The following BRPF3 variants were observed in gnomAD, a reference collection of about 807,000 sequenced individuals.
BRPF3 encodes bromodomain and PHD finger containing 3, also known as bromodomain and PHD finger-containing protein 3.
Under a neutral mutation model 102.0 loss-of-function variants are expected in BRPF3, and 18 were observed. The observed-to-expected ratio is 0.18, with a 90% CI of 0.12 to 0.26. BRPF3 has a LOEUF of 0.26. BRPF3 is among the 10% of genes least tolerant of loss of function. The pLI, the probability that BRPF3 is intolerant of heterozygous loss-of-function variation, is 1.00. For synonymous variants in BRPF3, 570 were observed against 614.2 expected (o/e 0.93, Z 1.06); for missense variants, 1,147 against 1,567.8 (o/e 0.73, Z 4.53).
chr6:36,201,532 A>G lies in BRPF3; in HGVS notation c.1210A>G (p.Ile404Val). Residue 404 changes from isoleucine to valine, a missense_variant, in exon 2 of 13, where the codon ATC becomes GTC. Ile to Val is a conservative substitution (Grantham distance 29). Around this residue, in one of 11 missense-constraint regions of BRPF3, gnomAD observed 157 missense variants for 163.6 expected, o/e 0.96. Transcript: ENST00000357641. The surrounding 1 kb of genome is among the most constrained non-coding windows in gnomAD (Gnocchi z 5.1). ...GAGGAAGGGCGACTCCCCTAGAAGCATCAGTGAGACTGGCGATGAGGAAGG... is the reference window on the plus strand; with the variant it reads ...GAGGAAGGGCGACTCCCCTAGAAGCGTCAGTGAGACTGGCGATGAGGAAGG... ...ARRKGDSPRSISETGDEEGLK... is the reference protein window; with the variant it reads ...ARRKGDSPRSVSETGDEEGLK... 1 of 1,614,174 alleles carries G rather than the reference A, an allele frequency of 6.2e-7. No individual in the cohort carries two copies. Among genetic ancestry groups the G allele is most frequent in the Non-Finnish European group, 8.5e-7 (1 of 1,180,016 alleles).
chr6:36,208,563 A>G (rs1767986727), intron 4 of BRPF3, among the ~76,000 whole-genome samples: 1 of 152,248 alleles, frequency 6.6e-6, no homozygotes, highest in Non-Finnish European at 1.5e-5. Flanking sequence ...CTAGCAGGCC[A>G]GTAGCCTGAG....
intron 8 of BRPF3, 54 bp from the exon 9 acceptor site, chr6:36,217,863 T>C (rs1437730221): frequency 6.6e-7 from 1 of 1,507,604 alleles, no homozygotes; most frequent in East Asian, 2.3e-5. Flanking sequence ...CCCTGTAGCA[T>C]GTGTTGGGAA....
intron 11 of BRPF3, among the ~76,000 whole-genome samples, chr6:36,225,750 A>G (rs1222086864): frequency 6.6e-6 from 1 of 152,188 alleles, no homozygotes; most frequent in Non-Finnish European, 1.5e-5. Flanking sequence ...TAAGAAGAAA[A>G]CTGATGATTT....
At chr6:36,229,529 A>G (rs916569147) in intron 12 of BRPF3, among the ~76,000 whole-genome samples, 1 of 152,220 alleles carries the variant, frequency 6.6e-6, no homozygotes, top group Non-Finnish European at 1.5e-5. Flanking sequence ...AGAGGGACTC[A>G]GATGAGAGCC....
chr6:36,202,844 G>A (rs550510806), intron 2 of BRPF3, among the ~76,000 whole-genome samples: 2 of 152,296 alleles, frequency 1.3e-5, no homozygotes, highest in Admixed American at 6.5e-5. Flanking sequence ...CCTGTAGTCC[G>A]TCTCTCTTGA....
chr6:36,217,244 A>G (rs769466040), intron 8 of BRPF3, among the ~76,000 whole-genome samples: 4 of 152,150 alleles, frequency 2.6e-5, no homozygotes, highest in Non-Finnish European at 5.9e-5. Flanking sequence ...AAAGCAAGAG[A>G]AAAGGAACCT....
Position 36,225,478 on chromosome 6 carries a change from G to C in BRPF3, c.3279+114G>C, listed in dbSNP as rs190996624. ...GAGTCAGAGTGTCTTTAGCTGTAGA[G>C]GGGAGGGGGGTTTTGCCCCAGCCTG... On this transcript the variant is annotated intron_variant, in intron 11 of 12. Transcript: ENST00000357641. The C allele has an allele frequency of 1.5e-5, 14 of 942,208 alleles. No homozygotes were observed. The South Asian group carries it at 1.9e-4, about 13-fold the overall frequency. The allele number at this position is 942,208 out of a possible 1,614,324, so 58.4% of individuals were successfully genotyped here. A position where few individuals can be genotyped will look rare whatever the true frequency, so the allele number is the denominator to read the frequency against.
At position 36,230,387 on chromosome 6, in the gene BRPF3, C is replaced by A; in HGVS notation, c.3435-39C>A. On this transcript the variant is annotated intron_variant, in intron 12 of 12. Coordinates refer to ENST00000357641, the MANE Select transcript of BRPF3 (RefSeq NM_015695.3). This position sits in a 1 kb window ranked among gnomAD's most constrained non-coding sequence, Gnocchi z 5.4. ...ACAGGAGCCCGAGCCCCCTGTGAGA[C>A]CCACTACTGCCCAGCCTCTTACTGT... 1.2e-6 allele frequency: 2 copies of A among 1,601,980 alleles called. No homozygotes were observed. The highest frequency in any genetic ancestry group is 1.7e-6 in the Non-Finnish European group (2 of 1,171,838).
intron 2 of BRPF3, 187 bp from the exon 3 acceptor site, chr6:36,204,471 A>C (rs1470188083): frequency 7.9e-6 from 5 of 636,428 alleles, no homozygotes; most frequent in Non-Finnish European, 1.4e-5. Flanking sequence ...GAAATAACTC[A>C]TGCTGAATCT....
At position 36,210,063 on chromosome 6, in the gene BRPF3, G is replaced by A; in HGVS notation, c.1866+148G>A. 1.4e-6 allele frequency: 2 copies of A among 1,406,110 alleles called. No homozygotes were observed. The highest frequency in any genetic ancestry group is 2.0e-5 in the Admixed American group (1 of 50,506). The allele number at this position is 1,406,110 out of a possible 1,614,324, so 87.1% of individuals were successfully genotyped here. ...AGCTAGTAGACTTGCCCTTGATGAGGGGTCAGCAGGCCAGGGTGGGCCAGG... is the reference window on the plus strand; with the variant it reads ...AGCTAGTAGACTTGCCCTTGATGAGAGGTCAGCAGGCCAGGGTGGGCCAGG... On this transcript the variant is annotated intron_variant, in intron 5 of 12. Transcript: ENST00000357641. This position sits in a 1 kb window ranked among gnomAD's most constrained non-coding sequence, Gnocchi z 4.7.
rs1031373933 is a variant in BRPF3, at chr6:36,200,709, A to G, written c.387A>G (p.Glu129=). 1.9e-6 allele frequency: 3 copies of G among 1,614,044 alleles called. No individual in the cohort carries two copies. The African/African-American group carries it at 4.0e-5, about 22-fold the overall frequency. ...FRMVDSGIQP[E]APPLPAAYYR... ...TGGTGGACTCAGGCATCCAGCCAGA[A>G]GCACCCCCGCTGCCTGCTGCCTACT... The change falls in exon 2 of 13, where the codon GAA becomes GAG. Residue 129 remains glutamate (E), a synonymous_variant. Transcript: ENST00000357641. The surrounding 1 kb of genome is among the most constrained non-coding windows in gnomAD (Gnocchi z 5.3).
At position 36,200,270 on chromosome 6, in the gene BRPF3, CAT is replaced by C. The variant is rs748044267; in HGVS notation, c.-26-25_-26-24del. On this transcript the variant is annotated intron_variant, in intron 1 of 12. Coordinates refer to ENST00000357641, the MANE Select transcript of BRPF3 (RefSeq NM_015695.3). The surrounding 1 kb of genome is among the most constrained non-coding windows in gnomAD (Gnocchi z 5.3). ...AATGGGTGCATAAGGGCATCCAACTCATAGTCTCCTGGCCTTCTCTCCTTAGG... is the reference window on the plus strand; with the variant it reads ...AATGGGTGCATAAGGGCATCCAACTCAGTCTCCTGGCCTTCTCTCCTTAGG... 16 of 1,548,604 alleles carry C rather than the reference CAT, an allele frequency of 1.0e-5. No homozygotes were observed. Among genetic ancestry groups the C allele is most frequent in the Non-Finnish European group, 1.4e-5 (16 of 1,150,264 alleles).
intron 1 of BRPF3, chr6:36,197,376 G>C (rs1241240870): frequency 6.6e-6 from 1 of 152,430 alleles, no homozygotes; most frequent in Non-Finnish European, 1.5e-5. Flanking sequence ...GCTGGCGCTC[G>C]CTTTCTCTGT....
chr6:36,232,270 T>C lies in BRPF3; in HGVS notation c.*1661T>C, dbSNP rs911044494. On this transcript the variant is annotated 3_prime_UTR_variant, in exon 13 of 13. Coordinates refer to ENST00000357641, the MANE Select transcript of BRPF3 (RefSeq NM_015695.3). ...AAATTATTCAGGCCTATAGTTTCCA[T>C]TACTGGAGTCCTCCATTGTGTGGCC... 1 of 152,304 alleles carries C rather than the reference T, an allele frequency of 6.6e-6. No homozygotes were observed. The highest frequency in any genetic ancestry group is 1.5e-5 in the Non-Finnish European group (1 of 68,040). 9.4% of individuals were successfully genotyped at this position (152,304 alleles called of 1,614,324 possible). A position where few individuals can be genotyped will look rare whatever the true frequency, so the allele number is the denominator to read the frequency against.
In BRPF3 at chr6:36,198,082, G is replaced by A. The variant is rs1429466718; in HGVS notation, c.-27+1112G>A. ...TCTGTTGGCCCTGTCTGCCCCCAGG[G>A]ACTTGGCATTTGTAAGGAATCCAGT... On this transcript the variant is annotated intron_variant, in intron 1 of 12. Transcript: ENST00000357641. 5.9e-5 allele frequency among the ~76,000 whole-genome samples: 9 copies of A among 152,278 alleles called. No homozygotes were observed. The South Asian group carries it at 1.9e-3, about 32-fold the overall frequency.
chr6:36,196,747 G>C lies in BRPF3; in HGVS notation c.-250G>C, dbSNP rs1426898819. 1.3e-5 allele frequency: 2 copies of C among 153,156 alleles called. No individual in the cohort carries two copies. The highest frequency in any genetic ancestry group is 4.8e-5 in the African/African-American group (2 of 41,404). 9.5% of individuals were successfully genotyped at this position (153,156 alleles called of 1,614,324 possible). A position where few individuals can be genotyped will look rare whatever the true frequency, so the allele number is the denominator to read the frequency against. On this transcript the variant is annotated 5_prime_UTR_variant, in exon 1 of 13. Coordinates refer to ENST00000357641, the MANE Select transcript of BRPF3 (RefSeq NM_015695.3). ...TCCCTCCCCTCGGCCGGGCTCCGTG[G>C]CGGCAGCGGCAGCAGCGGCGGCTCC...
Position 36,218,007 on chromosome 6 carries a change from G to T in BRPF3, c.3080G>T (p.Cys1027Phe). 3 of 1,612,484 alleles carry T rather than the reference G, an allele frequency of 1.9e-6. No individual in the cohort carries two copies. The highest frequency in any genetic ancestry group is 2.5e-6 in the Non-Finnish European group (3 of 1,179,282). ...AGTGGTGGACTGGCATTTGAAGCTTGCAGGTAAGAACACATTCCCAAAGCT... is the reference window on the plus strand; with the variant it reads ...AGTGGTGGACTGGCATTTGAAGCTTTCAGGTAAGAACACATTCCCAAAGCT... ...GLSGGLAFEACSGLTPPKRSR... is the reference protein window; with the variant it reads ...GLSGGLAFEAFSGLTPPKRSR... Residue 1027 changes from cysteine (C) to phenylalanine (F), a missense_variant, in exon 9 of 13, where the codon TGC becomes TTC. Physicochemically the swap from Cys to Phe is radical, Grantham distance 205 (BLOSUM62 -2). Coordinates refer to ENST00000357641, the MANE Select transcript of BRPF3 (RefSeq NM_015695.3).
At chr6:36,215,728 C>CT (rs1267605760) in intron 8 of BRPF3, among the ~76,000 whole-genome samples, 2 of 152,216 alleles carry the variant, frequency 1.3e-5, no homozygotes, top group Non-Finnish European at 2.9e-5. Context: ...GACAGAATCT[C>CT]TGTGAGGGAC....
Position 36,211,385 on chromosome 6 carries a change from C to T in BRPF3, c.2307C>T (p.Arg769=). 1 of 1,614,186 alleles carries T rather than the reference C, an allele frequency of 6.2e-7. No homozygotes were observed. Among genetic ancestry groups the T allele is most frequent in the East Asian group, 2.2e-5 (1 of 44,878 alleles). Residue 769 remains arginine (R), a synonymous_variant, in exon 7 of 13, where the codon CGC becomes CGT. Transcript: ENST00000357641. ...GTGGGGCCCGCACCCGTCGTGTCCG[C>T]CTGCTACGCCGGGAGATCAATGCCC... ...RSSGARTRRV[R]LLRREINALR...
Sources: allele counts gnomAD v4.1 joint callset (sites outside exome capture counted in the v4.1 genomes callset), GRCh38; gene constraint gnomAD v4.1.1; regional missense constraint gnomAD v4.1.1; non-coding constraint Gnocchi (gnomAD v3.1); transcripts MANE v1.5; gene names NCBI Gene and HGNC (gene_info 2026-07-23, HGNC 2026-07-21).